SUCLG2: variants seen among roughly 807,000 people sequenced by gnomAD.
The protein encoded by SUCLG2 is succinate-CoA ligase GDP-forming subunit beta.
A neutral mutation model predicts 47.9 loss-of-function variants in SUCLG2; 42 were observed. The observed-to-expected ratio is 0.88, with a 90% CI of 0.69 to 1.14. The LOEUF is 1.14. SUCLG2 is among the 50% of genes most tolerant of loss of function. The pLI, the probability that SUCLG2 is intolerant of heterozygous loss-of-function variation, is 0.00. For missense variants in SUCLG2, 571 were observed against 525.9 expected (o/e 1.09, Z -0.84); for synonymous variants, 195 against 197.3 (o/e 0.99, Z 0.10).
At chr3:67,413,855 A>G (rs568617439) in intron 9 of SUCLG2, among the ~76,000 whole-genome samples, 2 of 152,158 alleles carry the variant, frequency 1.3e-5, no homozygotes, top group Non-Finnish European at 2.9e-5. Flanking sequence ...GTCTGGACAA[A>G]TGTCCCTGTT....
At chr3:67,412,420 T>A (rs963951656) in intron 9 of SUCLG2, among the ~76,000 whole-genome samples, 3 of 152,108 alleles carry the variant, frequency 2.0e-5, no homozygotes, top group African/African-American at 7.2e-5. Context: ...AACATCGTGA[T>A]TTGGGACCTA....
rs1419940101 is a variant in SUCLG2, at chr3:67,495,904, A to C, written c.956T>G (p.Ile319Ser). 6.2e-7 allele frequency: 1 copy of C among 1,613,946 alleles called. No homozygotes were observed. Among genetic ancestry groups the C allele is most frequent in the African/African-American group, 1.3e-5 (1 of 74,916 alleles). Residue 319 changes from isoleucine (I) to serine (S), a missense_variant, in exon 9 of 11, where the codon ATC becomes AGC. Physicochemically the swap from Ile to Ser is moderately radical, Grantham distance 142. Coordinates refer to ENST00000307227, the MANE Select transcript of SUCLG2 (RefSeq NM_003848.4). ...GAGLAMATCD[I>S]IFLNGGKPAN... is the part of the protein sequence containing the mutation. ...TGGCTTCCCACCATTAAGGAAAATGATATCACAAGTAGCCATGGCGAGCCC... is the reference window on the plus strand; with the variant it reads ...TGGCTTCCCACCATTAAGGAAAATGCTATCACAAGTAGCCATGGCGAGCCC...
chr3:67,499,220 T>C (rs1166188592), intron 7 of SUCLG2, among the ~76,000 whole-genome samples: 1 of 152,182 alleles, frequency 6.6e-6, no homozygotes, highest in Non-Finnish European at 1.5e-5. Flanking sequence ...CTTTTTGGTG[T>C]GGGAGAGCAC....
chr3:67,465,555 T>G (rs1704448803), intron 9 of SUCLG2, among the ~76,000 whole-genome samples: 1 of 152,182 alleles, frequency 6.6e-6, no homozygotes, highest in Non-Finnish European at 1.5e-5. Flanking sequence ...CACTCTGAAC[T>G]GCAGGCAGCA....
chr3:67,550,704 T>G (rs558032116), intron 2 of SUCLG2, among the ~76,000 whole-genome samples: 1 of 152,292 alleles, frequency 6.6e-6, no homozygotes, highest in African/African-American at 2.4e-5. Context: ...AGAAGATACC[T>G]TACCAGAGAT....
At chr3:67,570,700 T>C (rs560287056) in intron 2 of SUCLG2, among the ~76,000 whole-genome samples, 1 of 152,324 alleles carries the variant, frequency 6.6e-6, no homozygotes, top group Admixed American at 6.5e-5. Flanking sequence ...GGCAATACTC[T>C]GTACATACAG....
At chr3:67,637,674 C>CT (rs1701032313) in intron 1 of SUCLG2, among the ~76,000 whole-genome samples, 1 of 152,208 alleles carries the variant, frequency 6.6e-6, no homozygotes, top group African/African-American at 2.4e-5. Flanking sequence ...GGAACCAGTT[C>CT]TTTATCAGGA....
chr3:67,374,888 G>A lies in SUCLG2; in HGVS notation c.*856C>T, dbSNP rs1702006183. On this transcript the variant is annotated 3_prime_UTR_variant, in exon 11 of 11. Coordinates refer to ENST00000307227, the MANE Select transcript of SUCLG2 (RefSeq NM_003848.4). ...TTTCTACCATAAACTGGTAGATTCT[G>A]GGAGGATGAGGAGTAAGAGAGAAAC... is the stretch of plus-strand genomic sequence containing the variant. The A allele has an allele frequency of 3.0e-6, 3 of 985,064 alleles. No individual in the cohort carries two copies. The highest frequency in any genetic ancestry group is 3.6e-6 in the Non-Finnish European group (3 of 829,876). 61.0% of individuals were successfully genotyped at this position (985,064 alleles called of 1,614,324 possible). A position where few individuals can be genotyped will look rare whatever the true frequency, so the allele number is the denominator to read the frequency against.
At chr3:67,626,686 G>A (rs1026653223) in intron 1 of SUCLG2, among the ~76,000 whole-genome samples, 3 of 152,062 alleles carry the variant, frequency 2.0e-5, no homozygotes, top group Admixed American at 6.5e-5. Flanking sequence ...AGGCCAAAGC[G>A]GGTGAATCAC....
Position 67,524,914 on chromosome 3 carries a change from A to G in SUCLG2, c.417+3218T>C, listed in dbSNP as rs143554681. On this transcript the variant is annotated intron_variant, in intron 4 of 10. Coordinates refer to ENST00000307227, the MANE Select transcript of SUCLG2 (RefSeq NM_003848.4). ...CAAAAACATTAACAGGCACAGACAA[A>G]TAAATCTCCAGGCTCACATGGTTTC... Among the ~76,000 whole-genome samples the G allele has an allele frequency of 7.2e-3, 1,101 of 152,290 alleles. 23 individuals carry two copies. Among genetic ancestry groups the G allele is most frequent in the African/African-American group, 0.025 (1,045 of 41,562 alleles).
At chr3:67,378,785 C>T (rs1419012605) in intron 10 of SUCLG2, among the ~76,000 whole-genome samples, 1 of 151,764 alleles carries the variant, frequency 6.6e-6, no homozygotes, top group African/African-American at 2.4e-5. Context: ...AACCTGCGTG[C>T]ACTTTGATTC....
intron 9 of SUCLG2, among the ~76,000 whole-genome samples, chr3:67,444,097 C>T (rs1433605648): frequency 0.028 from 2,703 of 96,846 alleles, 82 homozygotes; most frequent in African/African-American, 0.099. Context: ...CCGCGCCGTC[C>T]GGGAGGGAGG....
At chr3:67,631,217 G>A (rs985240898) in intron 1 of SUCLG2, among the ~76,000 whole-genome samples, 1 of 152,172 alleles carries the variant, frequency 6.6e-6, no homozygotes, top group Non-Finnish European at 1.5e-5. Flanking sequence ...ACTCTCATCA[G>A]AATCTCCCTG....
At chr3:67,377,730 T>C (rs1200303953) in intron 10 of SUCLG2, among the ~76,000 whole-genome samples, 1 of 152,184 alleles carries the variant, frequency 6.6e-6, no homozygotes, top group Non-Finnish European at 1.5e-5. Flanking sequence ...CTCAGCTCAC[T>C]GCAGCCTCAG....
intron 2 of SUCLG2, among the ~76,000 whole-genome samples, chr3:67,533,041 T>C (rs1211852746): frequency 1.3e-5 from 2 of 152,198 alleles, no homozygotes; most frequent in Non-Finnish European, 2.9e-5. Context: ...TAAGCAAGCT[T>C]TGTAAAATGT....
downstream of SUCLG2, among the ~76,000 whole-genome samples, chr3:67,374,117 T>G (rs77749721): frequency 6.6e-6 from 1 of 152,014 alleles, no homozygotes; most frequent in Non-Finnish European, 1.5e-5. Context: ...ATATAGGTTA[T>G]TTTTTTTACT....
At chr3:67,616,390 C>T (rs1025248839) in intron 1 of SUCLG2, among the ~76,000 whole-genome samples, 1 of 152,108 alleles carries the variant, frequency 6.6e-6, no homozygotes, top group African/African-American at 2.4e-5. Flanking sequence ...ATATATTAGA[C>T]ACACATGTTC....
At chr3:67,482,956 A>C (rs1417345575) in intron 9 of SUCLG2, among the ~76,000 whole-genome samples, 3 of 152,210 alleles carry the variant, frequency 2.0e-5, no homozygotes, top group Non-Finnish European at 2.9e-5. Context: ...TGTGTCCAGA[A>C]TACTTAGAGA....
chr3:67,371,550 T>G (rs183190734), downstream of SUCLG2, among the ~76,000 whole-genome samples: 129 of 152,306 alleles, frequency 8.5e-4, no homozygotes, highest in African/African-American at 3.0e-3. Context: ...AAATGGCCCT[T>G]GCCTTATGCC....
Sources: allele counts gnomAD v4.1 joint callset (sites outside exome capture counted in the v4.1 genomes callset), GRCh38; gene constraint gnomAD v4.1.1; transcripts MANE v1.5; gene names NCBI Gene and HGNC (gene_info 2026-07-23, HGNC 2026-07-21).